SPIDR: variants seen among roughly 807,000 people sequenced by gnomAD.
SPIDR encodes scaffold protein involved in DNA repair, also known as DNA repair-scaffolding protein.
Under a neutral mutation model 104.6 loss-of-function variants are expected in SPIDR, and 93 were observed. The observed-to-expected ratio is 0.89, with a 90% CI of 0.75 to 1.06. The LOEUF (loss-of-function observed/expected upper bound fraction) is 1.06. Ranked by LOEUF, SPIDR falls within the 50% of genes least tolerant of loss-of-function variation. The probability of loss-of-function intolerance (pLI) is 0.00; values close to 1 mark genes in which losing one functional copy is unlikely to be tolerated. For missense variants in SPIDR, 1,154 were observed against 1,111.2 expected, an observed-to-expected ratio of 1.04 and a Z score of -0.55; for synonymous variants, 431 against 416.9, an observed-to-expected ratio of 1.03 and a Z score of -0.41.
intron 7 of SPIDR, among the ~76,000 whole-genome samples, chr8:47,415,435 T>C (rs2064121563): frequency 6.6e-6 from 1 of 152,214 alleles, no homozygotes; most frequent in South Asian, 2.1e-4. Context: ...ATTTTTTGTT[T>C]TATGTAATCT....
intron 16 of SPIDR, among the ~76,000 whole-genome samples, chr8:47,714,986 A>G (rs1209428891): frequency 6.6e-6 from 1 of 152,188 alleles, no homozygotes; most frequent in East Asian, 1.9e-4. Context: ...TCACTCCTTT[A>G]AAGTGTTTTT....
At position 47,702,098 on chromosome 8, in the gene SPIDR, T is replaced by TACACAC. The variant is rs3062665; in HGVS notation, c.1977+116_1977+121dup. ...TCTCTCTCTCTCTCTCTCTCTCTCTTACACACACACACACACACACACACA... is the reference window on the plus strand; with the variant it reads ...TCTCTCTCTCTCTCTCTCTCTCTCTTACACACACACACACACACACACACACACACA... On this transcript the variant is annotated intron_variant, in intron 14 of 19. Transcript: ENST00000297423. 41 of 62,970 alleles carry TACACAC rather than the reference T, an allele frequency of 6.5e-4. 1 individual carries two copies. Among genetic ancestry groups the TACACAC allele is most frequent in the African/African-American group, 2.8e-3 (37 of 13,438 alleles). 3.9% of individuals were successfully genotyped at this position (62,970 alleles called of 1,614,324 possible). A position where few individuals can be genotyped will look rare whatever the true frequency, so the allele number is the denominator to read the frequency against.
At chr8:47,404,818 A>G (rs943249853) in intron 6 of SPIDR, among the ~76,000 whole-genome samples, 3 of 152,236 alleles carry the variant, frequency 2.0e-5, no homozygotes, top group South Asian at 2.1e-4. Context: ...ATCTAGAACT[A>G]GAAATACCAT....
intron 2 of SPIDR, 47 bp downstream of exon 2, chr8:47,280,064 C>G (rs958550275): frequency 2.5e-6 from 4 of 1,584,888 alleles, no homozygotes; most frequent in Non-Finnish European, 3.5e-6. Flanking sequence ...AAGAGGAAAT[C>G]CTGAGTGTTC....
intron 10 of SPIDR, among the ~76,000 whole-genome samples, chr8:47,642,380 C>T (rs1056850854): frequency 6.7e-6 from 1 of 148,442 alleles, no homozygotes; most frequent in African/African-American, 2.5e-5. Context: ...CGTGCCACTG[C>T]ACTCCAGCCT....
At chr8:47,442,671 C>G (rs1239543192) in intron 8 of SPIDR, among the ~76,000 whole-genome samples, 1 of 152,198 alleles carries the variant, frequency 6.6e-6, no homozygotes, top group Non-Finnish European at 1.5e-5. Context: ...TTAGCTCTTT[C>G]ATTAGTGTCT....
At chr8:47,711,940 C>T (rs901487916) in intron 14 of SPIDR, among the ~76,000 whole-genome samples, 3 of 152,158 alleles carry the variant, frequency 2.0e-5, no homozygotes, top group African/African-American at 7.2e-5. Context: ...GTTAACTGGC[C>T]ATGTGGAATT....
At chr8:47,508,940 TTA>T (rs977278635) in intron 8 of SPIDR, among the ~76,000 whole-genome samples, 1 of 150,714 alleles carries the variant, frequency 6.6e-6, no homozygotes, top group Non-Finnish European at 1.5e-5. Flanking sequence ...TCCTTCCATT[TTA>T]TATATATATA....
chr8:47,511,443 A>G (rs1363891739), intron 8 of SPIDR: 4 of 791,058 alleles, frequency 5.1e-6, no homozygotes, highest in Non-Finnish European at 2.3e-6. Flanking sequence ...GTTCCTCCAT[A>G]TCCAAGTTCG....
At chr8:47,368,419 G>T (rs1554636298) in intron 5 of SPIDR, among the ~76,000 whole-genome samples, 1 of 119,734 alleles carries the variant, frequency 8.4e-6, no homozygotes, top group African/African-American at 3.0e-5. Context: ...GCTGAGTGCA[G>T]ATGGCTTTCT....
chr8:47,699,027 T>A (rs1358926454), intron 11 of SPIDR, among the ~76,000 whole-genome samples: 1 of 152,230 alleles, frequency 6.6e-6, no homozygotes, highest in Non-Finnish European at 1.5e-5. Flanking sequence ...CTATACTGTA[T>A]AAAGAAATTT....
intron 10 of SPIDR, among the ~76,000 whole-genome samples, chr8:47,618,817 C>T (rs1487718072): frequency 6.6e-6 from 1 of 152,150 alleles, no homozygotes; most frequent in Non-Finnish European, 1.5e-5. Flanking sequence ...GGATACTATG[C>T]TGTCATCTAA....
At chr8:47,683,603 A>T (rs1282805813) in intron 11 of SPIDR, among the ~76,000 whole-genome samples, 1 of 152,214 alleles carries the variant, frequency 6.6e-6, no homozygotes, top group Non-Finnish European at 1.5e-5. Context: ...ATGAATTTTG[A>T]AATATGTGCA....
intron 5 of SPIDR, among the ~76,000 whole-genome samples, chr8:47,314,866 A>G (rs1271511763): frequency 1.3e-5 from 2 of 152,230 alleles, no homozygotes; most frequent in Non-Finnish European, 2.9e-5. Flanking sequence ...TTGGATAGAA[A>G]ACAAGACTTC....
chr8:47,327,060 C>T (rs537007510), intron 5 of SPIDR, among the ~76,000 whole-genome samples: 4 of 152,188 alleles, frequency 2.6e-5, no homozygotes, highest in East Asian at 3.9e-4. Flanking sequence ...CTGTTAGCAA[C>T]GCACAAAGGT....
chr8:47,325,930 A>ACT (rs2047584301), intron 5 of SPIDR, among the ~76,000 whole-genome samples: 1 of 152,210 alleles, frequency 6.6e-6, no homozygotes. Context: ...CAGGAAGATA[A>ACT]TGGCAACTTG....
chr8:47,340,872 C>G (rs1008236935), intron 5 of SPIDR, among the ~76,000 whole-genome samples: 1 of 152,176 alleles, frequency 6.6e-6, no homozygotes, highest in African/African-American at 2.4e-5. Flanking sequence ...ATCCTGGCTC[C>G]ACATCATGGA....
At chr8:47,512,339 A>G (rs1031661118) in intron 8 of SPIDR, among the ~76,000 whole-genome samples, 9 of 152,124 alleles carry the variant, frequency 5.9e-5, no homozygotes, top group African/African-American at 1.9e-4. Context: ...ACTGTTGCCT[A>G]TGGTGATTGG....
At chr8:47,658,080 A>T (rs1315434261) in intron 10 of SPIDR, among the ~76,000 whole-genome samples, 1 of 150,594 alleles carries the variant, frequency 6.6e-6, no homozygotes, top group African/African-American at 2.4e-5. Flanking sequence ...AAGGCAAAAG[A>T]GGTATCTTTG....
Sources: gnomAD v4.1 joint callset for allele counts (sites outside exome capture counted in the v4.1 genomes callset) on GRCh38, gnomAD v4.1.1 for gene constraint, MANE v1.5 for transcripts, NCBI Gene and HGNC (gene_info 2026-07-23, HGNC 2026-07-21) for gene names.